KIAA1217: variants seen among roughly 807,000 people sequenced by gnomAD.
KIAA1217 encodes the protein sickle tail protein homolog.
KIAA1217 carries 88 observed loss-of-function variants against 163.9 expected under a neutral mutation model. The observed-to-expected ratio is 0.54, with a 90% CI of 0.45 to 0.64. The LOEUF is 0.64. Ranked by LOEUF, KIAA1217 falls within the 30% of genes least tolerant of loss-of-function variation. The pLI is 0.00. For synonymous variants in KIAA1217, 903 were observed against 923.1 expected (o/e 0.98, Z 0.39); for missense variants, 2,372 against 2,475.0 (o/e 0.96, Z 0.88).
At chr10:24,064,978 G>A (rs1256204576) in intron 2 of KIAA1217, among the ~76,000 whole-genome samples, 9 of 152,042 alleles carry the variant, frequency 5.9e-5, no homozygotes, top group African/African-American at 1.2e-4. Context: ...CTGTGGGATC[G>A]GTGGTGATAT....
At chr10:24,326,512 A>AT (rs2044920566) in intron 2 of KIAA1217, among the ~76,000 whole-genome samples, 1 of 152,114 alleles carries the variant, frequency 6.6e-6, no homozygotes, top group African/African-American at 2.4e-5. Context: ...TATATAATTC[A>AT]TTTTTTTCCA....
At chr10:24,152,800 T>C (rs79424645) in intron 2 of KIAA1217, among the ~76,000 whole-genome samples, 6,818 of 152,130 alleles carry the variant, frequency 0.045, 485 homozygotes, top group African/African-American at 0.15. Context: ...TCTTTCACTA[T>C]ACAAGGAAAA....
At chr10:24,503,830 C>T (rs2067994924) in intron 9 of KIAA1217, among the ~76,000 whole-genome samples, 1 of 152,212 alleles carries the variant, frequency 6.6e-6, no homozygotes, top group South Asian at 2.1e-4. Context: ...CTTTTGGCAC[C>T]ATCTGCTGGC....
At chr10:24,454,370 C>A (rs1175901236) in intron 5 of KIAA1217, among the ~76,000 whole-genome samples, 2 of 152,186 alleles carry the variant, frequency 1.3e-5, no homozygotes, top group Non-Finnish European at 1.5e-5. Flanking sequence ...TATTTGATTT[C>A]TTTCCTTTTC....
At chr10:24,236,847 T>C (rs983777635) in intron 2 of KIAA1217, among the ~76,000 whole-genome samples, 14 of 151,844 alleles carry the variant, frequency 9.2e-5, no homozygotes, top group Non-Finnish European at 1.6e-4. Flanking sequence ...AGACGGGGTA[T>C]TGCTATGTTG....
rs551337642 is a variant in KIAA1217 at position 24,471,471 on chromosome 10, A to AGT, written c.847-1757_847-1756insGT. 5.8e-3 allele frequency among the ~76,000 whole-genome samples: 856 copies of AGT among 148,222 alleles called. 11 individuals carry two copies. Among genetic ancestry groups the AGT allele is most frequent in the African/African-American group, 0.02 (806 of 40,426 alleles). On this transcript the variant is annotated intron_variant, in intron 5 of 20. Transcript: ENST00000376454. Reference sequence around the variant, plus strand: ...ATATGAAATCATCATATCCTGAGTTATTTTTTTTTTTATTCTACTCCCTTG... The same window carrying AGT: ...ATATGAAATCATCATATCCTGAGTTAGTTTTTTTTTTTTATTCTACTCCCTTG...
chr10:24,128,431 T>C (rs1483352874), intron 2 of KIAA1217, among the ~76,000 whole-genome samples: 3 of 152,226 alleles, frequency 2.0e-5, no homozygotes, highest in Admixed American at 6.5e-5. Context: ...TCAGCAAAGC[T>C]AATGAAAATG....
chr10:23,997,986 T>G (rs530831292), intron 1 of KIAA1217, among the ~76,000 whole-genome samples: 8 of 150,720 alleles, frequency 5.3e-5, no homozygotes, highest in African/African-American at 2.0e-4. Context: ...GGGCTTTCTT[T>G]TTTTTTTTCC....
chr10:24,437,936 A>G (rs2060197278), intron 4 of KIAA1217, among the ~76,000 whole-genome samples: 1 of 150,702 alleles, frequency 6.6e-6, no homozygotes, highest in African/African-American at 2.4e-5. Flanking sequence ...GAAAAAGAAA[A>G]AAATCTTCTT....
intron 3 of KIAA1217, among the ~76,000 whole-genome samples, chr10:24,407,077 T>TAGAAGG (rs2057294298): frequency 6.6e-6 from 1 of 152,212 alleles, no homozygotes; most frequent in African/African-American, 2.4e-5. Flanking sequence ...GGCAGATCTC[T>TAGAAGG]TCTCCTTTCT....
chr10:24,052,977 A>C (rs1849627231), intron 2 of KIAA1217, among the ~76,000 whole-genome samples: 1 of 152,286 alleles, frequency 6.6e-6, no homozygotes, highest in South Asian at 2.1e-4. Context: ...AAATCTAGAC[A>C]AAAGAAGAAC....
At chr10:23,729,582 A>G (rs752130071) in intron 1 of KIAA1217, among the ~76,000 whole-genome samples, 18 of 152,054 alleles carry the variant, frequency 1.2e-4, no homozygotes, top group Non-Finnish European at 2.2e-4. Context: ...TATCTATATT[A>G]CTTCTTTAGT....
chr10:24,043,582 A>G lies in KIAA1217; in HGVS notation c.-171+36208A>G, dbSNP rs191427084. 2.0e-3 allele frequency among the ~76,000 whole-genome samples: 311 copies of G among 152,282 alleles called. 2 individuals are homozygous for G. The highest frequency in any genetic ancestry group is 9.6e-4 in the East Asian group (5 of 5,190). On this transcript the variant is annotated intron_variant, in intron 2 of 18. Coordinates refer to the KIAA1217 transcript ENST00000376462. ...AAAATGCTTCATAAAAGGCACATGCAATGAACACTAGAAGACCTTAGAAGT... is the reference window on the plus strand; with the variant it reads ...AAAATGCTTCATAAAAGGCACATGCGATGAACACTAGAAGACCTTAGAAGT...
intron 1 of KIAA1217, among the ~76,000 whole-genome samples, chr10:23,876,267 G>A (rs1333963638): frequency 6.6e-6 from 1 of 151,774 alleles, no homozygotes; most frequent in African/African-American, 2.4e-5. Flanking sequence ...CCTGTAAGTG[G>A]GAGCACAACA....
intron 1 of KIAA1217, among the ~76,000 whole-genome samples, chr10:23,942,579 G>A (rs1404943161): frequency 6.6e-6 from 1 of 152,092 alleles, no homozygotes; most frequent in Non-Finnish European, 1.5e-5. Flanking sequence ...CTAAATTTAT[G>A]AAAAACCTAA....
chr10:24,214,661 C>G (rs952822747), intron 1 of KIAA1217, among the ~76,000 whole-genome samples: 2 of 152,152 alleles, frequency 1.3e-5, no homozygotes, highest in South Asian at 4.1e-4. Context: ...TGCCACGGTA[C>G]ACCCAGAGAG....
At chr10:23,992,387 C>T (rs919219865) in intron 1 of KIAA1217, among the ~76,000 whole-genome samples, 3 of 151,646 alleles carry the variant, frequency 2.0e-5, no homozygotes, top group Non-Finnish European at 1.5e-5. Flanking sequence ...GAAGGAGATG[C>T]AATCCTTGCC....
intron 20 of KIAA1217, 195 bp from the exon 21 acceptor site, chr10:24,545,632 C>T (rs915017981): frequency 7.2e-7 from 1 of 1,389,670 alleles, no homozygotes; most frequent in African/African-American, 1.5e-5. Flanking sequence ...CCTTTCCCGT[C>T]CATCCTTTGC....
At chr10:24,483,436 C>T (rs2064961614) in intron 6 of KIAA1217, among the ~76,000 whole-genome samples, 1 of 152,208 alleles carries the variant, frequency 6.6e-6, no homozygotes, top group Non-Finnish European at 1.5e-5. Flanking sequence ...TGTCGAGCCT[C>T]AGCTCAGGAC....
Sources: gnomAD v4.1 joint callset for allele counts (sites outside exome capture counted in the v4.1 genomes callset) on GRCh38, gnomAD v4.1.1 for gene constraint, MANE v1.5 for transcripts, NCBI Gene and HGNC (gene_info 2026-07-23, HGNC 2026-07-21) for gene names.